The following SCYL2 variants were observed in gnomAD, a reference collection of about 807,000 sequenced individuals.
The protein encoded by SCYL2 is SCY1 like pseudokinase 2.
A neutral mutation model predicts 100.4 loss-of-function variants in SCYL2; 36 were observed. The ratio of observed to expected loss-of-function variants is 0.36; its 90% CI spans 0.27 to 0.47. SCYL2 has a LOEUF of 0.47. Ranked by LOEUF, SCYL2 falls within the 20% of genes least tolerant of loss-of-function variation. The probability of loss-of-function intolerance (pLI) is 1.00; values close to 1 mark genes in which losing one functional copy is unlikely to be tolerated. For missense variants in SCYL2, 902 were observed against 1,083.9 expected, an observed-to-expected ratio of 0.83 and a Z score of 2.36; for synonymous variants, 330 against 359.2, an observed-to-expected ratio of 0.92 and a Z score of 0.92.
chr12:100,297,417 C>T (rs1324941585), intron 3 of SCYL2, among the ~76,000 whole-genome samples: 1 of 152,188 alleles, frequency 6.6e-6, no homozygotes. Context: ...TAATATCTAA[C>T]ATTTTCTGAG....
At chr12:100,284,948 G>A (rs1004989982) in intron 2 of SCYL2, among the ~76,000 whole-genome samples, 5 of 152,122 alleles carry the variant, frequency 3.3e-5, no homozygotes, top group African/African-American at 1.2e-4. Context: ...AAGGTGGAAG[G>A]ACCCCTTCAG....
rs1373588522 is a variant in SCYL2 at position 100,329,273 on chromosome 12, C to T, written c.1715C>T (p.Pro572Leu). ...GAGCAGCTGGCCGGAAAAGTGTTGC[C>T]TCATCTTATTCCCCTGAGTATTGAA... is the stretch of plus-strand genomic sequence containing the variant. ...TKEQLAGKVLPHLIPLSIENN... is the reference protein window; with the variant it reads ...TKEQLAGKVLLHLIPLSIENN... Residue 572 changes from proline (P) to leucine (L), a missense_variant, in exon 13 of 18, where the codon CCT becomes CTT. Physicochemically the swap from Pro to Leu is moderately conservative, Grantham distance 98. Coordinates refer to ENST00000360820, the MANE Select transcript of SCYL2 (RefSeq NM_017988.6). The T allele has an allele frequency of 1.2e-6, 2 of 1,606,226 alleles. No homozygotes were observed. The highest frequency in any genetic ancestry group is 1.7e-6 in the Non-Finnish European group (2 of 1,173,152).
intron 8 of SCYL2, among the ~76,000 whole-genome samples, chr12:100,315,102 T>C (rs1024474047): frequency 6.6e-6 from 1 of 152,360 alleles, no homozygotes; most frequent in Non-Finnish European, 1.5e-5. Flanking sequence ...AGTTACCTAC[T>C]GTTTGTCTGA....
chr12:100,299,839 G>A (rs893290848), intron 4 of SCYL2, among the ~76,000 whole-genome samples: 4 of 151,976 alleles, frequency 2.6e-5, no homozygotes, highest in African/African-American at 7.2e-5. Flanking sequence ...ACAAGTTTTT[G>A]TATGAACATA....
At chr12:100,299,418 CACTT>C (rs1476606836) in intron 4 of SCYL2, among the ~76,000 whole-genome samples, 2 of 152,052 alleles carry the variant, frequency 1.3e-5, no homozygotes, top group African/African-American at 4.8e-5. Flanking sequence ...GTTCGACATA[CACTT>C]ACTTACCTGT....
intron 12 of SCYL2, among the ~76,000 whole-genome samples, chr12:100,328,220 G>C (rs1320027472): frequency 1.3e-5 from 2 of 152,144 alleles, no homozygotes; most frequent in Non-Finnish European, 2.9e-5. Context: ...TGAGGCTGCA[G>C]GGACCCATGA....
At chr12:100,286,415 T>G (rs946763183) in intron 2 of SCYL2, among the ~76,000 whole-genome samples, 2 of 152,190 alleles carry the variant, frequency 1.3e-5, no homozygotes, top group Non-Finnish European at 2.9e-5. Flanking sequence ...TCTTCTAGTA[T>G]CCTACATTTA....
intron 13 of SCYL2, among the ~76,000 whole-genome samples, chr12:100,331,838 AT>A (rs1195834014): frequency 1.3e-5 from 2 of 152,192 alleles, no homozygotes; most frequent in Non-Finnish European, 2.9e-5. Context: ...TCTATTATAC[AT>A]TAAGTGACAA....
chr12:100,306,031 A>G (rs2135888104), intron 4 of SCYL2, among the ~76,000 whole-genome samples: 2 of 152,322 alleles, frequency 1.3e-5, no homozygotes, highest in East Asian at 1.9e-4. Flanking sequence ...ACGAACCGAA[A>G]AAAGCCCAAG....
At chr12:100,337,203 GT>G (rs1317814156) in intron 16 of SCYL2, among the ~76,000 whole-genome samples, 183 bp from the exon 17 acceptor site, 1 of 152,050 alleles carries the variant, frequency 6.6e-6, no homozygotes, top group African/African-American at 2.4e-5. Context: ...GATCCTGTGA[GT>G]TTTTATCTAA....
At chr12:100,332,126 C>A (rs748817108) in intron 13 of SCYL2, among the ~76,000 whole-genome samples, 5 of 152,150 alleles carry the variant, frequency 3.3e-5, no homozygotes, top group African/African-American at 7.2e-5. Flanking sequence ...AGAGTCTTTT[C>A]CCAGTGAAAT....
rs138831070 is a variant in SCYL2 at position 100,277,470 on chromosome 12, T to C, written c.-28-5473T>C. On this transcript the variant is annotated intron_variant, in intron 1 of 17. Coordinates refer to ENST00000360820, the MANE Select transcript of SCYL2 (RefSeq NM_017988.6). ...GGTGTGTACAGATTTAGTATTGTTA[T>C]GTCTTTTTGGTGAATTGACAACTTT... Among the ~76,000 whole-genome samples, 382 of 152,382 alleles carry C rather than the reference T, an allele frequency of 2.5e-3. 5 individuals carry two copies. In the East Asian group the frequency reaches 0.037, roughly 15 times the overall value.
At chr12:100,295,091 CAG>C (rs1566352124) in intron 3 of SCYL2, among the ~76,000 whole-genome samples, 1 of 150,656 alleles carries the variant, frequency 6.6e-6, no homozygotes, top group African/African-American at 2.4e-5. Context: ...CCCCACATCT[CAG>C]ATGATGGGCG....
chr12:100,295,186 C>T (rs564354470), intron 3 of SCYL2, among the ~76,000 whole-genome samples: 3 of 150,182 alleles, frequency 2.0e-5, no homozygotes, highest in Non-Finnish European at 3.0e-5. Flanking sequence ...GGATGGCGGC[C>T]GGACGGAGAC....
intron 3 of SCYL2, among the ~76,000 whole-genome samples, chr12:100,295,298 C>T (rs1345099153): frequency 2.6e-5 from 4 of 151,846 alleles, no homozygotes; most frequent in African/African-American, 9.7e-5. Context: ...GACGGGGTGG[C>T]GGCCGGGCAG....
At chr12:100,315,794 G>C in intron 9 of SCYL2, 60 bp downstream of exon 9, 2 of 1,348,410 alleles carry the variant, frequency 1.5e-6, no homozygotes, top group Non-Finnish European at 2.0e-6. Flanking sequence ...GACTATCACT[G>C]AAAACAAAAG....
chr12:100,339,460 C>G lies in SCYL2; in HGVS notation c.*288C>G. 1 of 349,270 alleles carries G rather than the reference C, an allele frequency of 2.9e-6. No individual in the cohort carries two copies. The highest frequency in any genetic ancestry group is 5.2e-6 in the Non-Finnish European group (1 of 192,328). The allele number at this position is 349,270 out of a possible 1,614,324, so 21.6% of individuals were successfully genotyped here. On this transcript the variant is annotated 3_prime_UTR_variant, in exon 18 of 18. Coordinates refer to ENST00000360820, the MANE Select transcript of SCYL2 (RefSeq NM_017988.6). Reference sequence around the variant, plus strand: ...AAGGAAACTGAGTTATCTTGAATAACATAACTTTTTAATCAAATGTTTATT... The same window carrying G: ...AAGGAAACTGAGTTATCTTGAATAAGATAACTTTTTAATCAAATGTTTATT...
chr12:100,271,441 A>G (rs909784527), intron 1 of SCYL2, among the ~76,000 whole-genome samples: 3 of 152,196 alleles, frequency 2.0e-5, no homozygotes, highest in African/African-American at 7.2e-5. Context: ...ATTCTTAATT[A>G]GAATTACAAA....
chr12:100,297,893 G>A, intron 3 of SCYL2, 138 bp from the exon 4 acceptor site: 2 of 695,778 alleles, frequency 2.9e-6, no homozygotes. Flanking sequence ...AGTGGATTAT[G>A]TCTATGCTGA....
Sources: gnomAD v4.1 joint callset for allele counts (sites outside exome capture counted in the v4.1 genomes callset) on GRCh38, gnomAD v4.1.1 for gene constraint, MANE v1.5 for transcripts, NCBI Gene and HGNC (gene_info 2026-07-23, HGNC 2026-07-21) for gene names.